The following TSPAN5 variants were observed in gnomAD, a reference collection of about 807,000 sequenced individuals.
TSPAN5 encodes tetraspanin 5, also known as tetraspanin-5.
A neutral mutation model predicts 37.1 loss-of-function variants in TSPAN5; 10 were observed. That is an observed-to-expected ratio of 0.27 (90% confidence interval 0.17 to 0.46). The LOEUF is 0.46. TSPAN5 is among the 20% of genes least tolerant of loss of function. The pLI, the probability that TSPAN5 is intolerant of heterozygous loss-of-function variation, is 1.00. For missense variants in TSPAN5, 195 were observed against 326.6 expected (o/e 0.60, Z 3.11); for synonymous variants, 110 against 118.9 (o/e 0.93, Z 0.48).
chr4:98,586,479 C>G (rs1755487843), intron 1 of TSPAN5, among the ~76,000 whole-genome samples: 1 of 152,162 alleles, frequency 6.6e-6, no homozygotes, highest in African/African-American at 2.4e-5. Context: ...ACAAATAGGT[C>G]TAGCACATTT....
chr4:98,575,116 C>T (rs534618430), intron 1 of TSPAN5, among the ~76,000 whole-genome samples: 10 of 152,194 alleles, frequency 6.6e-5, no homozygotes, highest in Admixed American at 5.9e-4. Flanking sequence ...CACCTCATGA[C>T]ACAGGGAAAG....
chr4:98,625,113 C>T lies in TSPAN5; in HGVS notation c.81+33033G>A, dbSNP rs76070597. Among the ~76,000 whole-genome samples, 1,165 of 152,164 alleles carry T rather than the reference C, an allele frequency of 7.7e-3. 16 individuals carry two copies. The highest frequency in any genetic ancestry group is 0.027 in the African/African-American group (1,108 of 41,506). ...TAATTGTTGAGTGCTTATAATACAC[C>T]AGACAATTCTGTAAGAGCCCTATGG... On this transcript the variant is annotated intron_variant, in intron 1 of 7. Coordinates refer to ENST00000305798, the MANE Select transcript of TSPAN5 (RefSeq NM_005723.4).
chr4:98,491,946 A>G lies in TSPAN5; in HGVS notation c.133-5062T>C, dbSNP rs531369462. Among the ~76,000 whole-genome samples the G allele has an allele frequency of 2.6e-5, 4 of 152,080 alleles. No individual in the cohort carries two copies. In the South Asian group the frequency reaches 8.3e-4, roughly 32 times the overall value. ...TCTAAGATTACAGTTAAGTCTGCCA[A>G]GCAATTTAAAACAGGCACCAGATTC... On this transcript the variant is annotated intron_variant, in intron 2 of 7. Coordinates refer to ENST00000305798, the MANE Select transcript of TSPAN5 (RefSeq NM_005723.4).
At chr4:98,589,418 C>T (rs1755572787) in intron 1 of TSPAN5, among the ~76,000 whole-genome samples, 1 of 152,124 alleles carries the variant, frequency 6.6e-6, no homozygotes, top group East Asian at 1.9e-4. Flanking sequence ...GGAAATACTC[C>T]CAGAGTTGTT....
At chr4:98,650,369 G>A (rs1757158604) in intron 1 of TSPAN5, among the ~76,000 whole-genome samples, 1 of 152,122 alleles carries the variant, frequency 6.6e-6, no homozygotes, top group Non-Finnish European at 1.5e-5. Flanking sequence ...ATGGGGATGG[G>A]GGTGGTGGCA....
intron 1 of TSPAN5, among the ~76,000 whole-genome samples, chr4:98,573,347 A>G (rs1325802880): frequency 6.6e-6 from 1 of 152,226 alleles, no homozygotes; most frequent in South Asian, 2.1e-4. Flanking sequence ...TATCTTATAA[A>G]CAGTTCTATC....
chr4:98,577,795 C>T (rs1755273339), intron 1 of TSPAN5, among the ~76,000 whole-genome samples: 1 of 152,156 alleles, frequency 6.6e-6, no homozygotes, highest in Non-Finnish European at 1.5e-5. Flanking sequence ...CTTTACCTCT[C>T]TAGAAATGGA....
At chr4:98,581,452 C>T (rs994873726) in intron 1 of TSPAN5, among the ~76,000 whole-genome samples, 2 of 152,152 alleles carry the variant, frequency 1.3e-5, no homozygotes, top group Non-Finnish European at 2.9e-5. Context: ...TATGCCTCAG[C>T]ACTTTCTAAA....
intron 1 of TSPAN5, among the ~76,000 whole-genome samples, chr4:98,576,643 G>C (rs1432946095): frequency 6.6e-6 from 1 of 152,156 alleles, no homozygotes; most frequent in Non-Finnish European, 1.5e-5. Flanking sequence ...TTGGGCCCAG[G>C]AAGTCCAGGC....
chr4:98,479,032 T>C (rs898194892), intron 4 of TSPAN5, among the ~76,000 whole-genome samples: 1 of 152,166 alleles, frequency 6.6e-6, no homozygotes, highest in Non-Finnish European at 1.5e-5. Context: ...TTTAAACAAC[T>C]GATGAGACCT....
rs139592772 is a variant in TSPAN5 at position 98,491,776 on chromosome 4, G to C, written c.133-4892C>G. On this transcript the variant is annotated intron_variant, in intron 2 of 7. Transcript: ENST00000305798. ...TAGGGAGTTGACTGTTCAGTCTTCTGTTGTCCTAAAGATGGGGTCTCTTTC... is the reference window on the plus strand; with the variant it reads ...TAGGGAGTTGACTGTTCAGTCTTCTCTTGTCCTAAAGATGGGGTCTCTTTC... 1.6e-3 allele frequency among the ~76,000 whole-genome samples: 245 copies of C among 151,810 alleles called. 1 individual carries two copies. The highest frequency in any genetic ancestry group is 5.7e-3 in the African/African-American group (234 of 41,396).
At chr4:98,537,292 T>G (rs1228906552) in intron 1 of TSPAN5, among the ~76,000 whole-genome samples, 1 of 152,202 alleles carries the variant, frequency 6.6e-6, no homozygotes, top group Non-Finnish European at 1.5e-5. Context: ...CGCCCCACCC[T>G]GCTTCGGCTT....
intron 1 of TSPAN5, among the ~76,000 whole-genome samples, chr4:98,594,608 G>C (rs552458802): frequency 1.6e-5 from 1 of 61,392 alleles, no homozygotes; most frequent in East Asian, 4.0e-4. Context: ...TTTGAAATAC[G>C]TCCCATCAAT....
intron 1 of TSPAN5, among the ~76,000 whole-genome samples, chr4:98,523,754 T>C (rs1753904805): frequency 6.6e-6 from 1 of 152,184 alleles, no homozygotes; most frequent in African/African-American, 2.4e-5. Context: ...CTTTAAAAAT[T>C]AAGAGGACTG....
At chr4:98,520,732 T>C (rs1255525716) in intron 1 of TSPAN5, among the ~76,000 whole-genome samples, 3 of 152,220 alleles carry the variant, frequency 2.0e-5, no homozygotes, top group Non-Finnish European at 4.4e-5. Flanking sequence ...GTTGCATAGA[T>C]ACAGGATAAA....
rs1753232159 is a variant in TSPAN5 at position 98,497,259 on chromosome 4, G to A, written c.133-10375C>T. ...TTGAATCCAGGAGGCGGAGGTTGCA[G>A]TGAGCCGAGATCGTGCCACTGCACT... On this transcript the variant is annotated intron_variant, in intron 2 of 7. Coordinates refer to ENST00000305798, the MANE Select transcript of TSPAN5 (RefSeq NM_005723.4). 2.0e-5 allele frequency among the ~76,000 whole-genome samples: 3 copies of A among 150,028 alleles called. No individual in the cohort carries two copies. The South Asian group carries it at 6.3e-4, about 32-fold the overall frequency.
At chr4:98,523,366 T>A (rs1349503933) in intron 1 of TSPAN5, among the ~76,000 whole-genome samples, 2 of 152,236 alleles carry the variant, frequency 1.3e-5, no homozygotes, top group Non-Finnish European at 1.5e-5. Context: ...AAGCATGTGC[T>A]AGAGATCAGC....
chr4:98,526,298 C>T (rs1201448321), intron 1 of TSPAN5, among the ~76,000 whole-genome samples: 2 of 152,136 alleles, frequency 1.3e-5, no homozygotes, highest in Non-Finnish European at 2.9e-5. Flanking sequence ...TTCACATACA[C>T]AAGAAATCCA....
chr4:98,619,910 G>T (rs183383138), intron 1 of TSPAN5, among the ~76,000 whole-genome samples: 1 of 152,122 alleles, frequency 6.6e-6, no homozygotes, highest in African/African-American at 2.4e-5. Context: ...CAGTTATAAG[G>T]GCACTAATCC....
Sources: allele counts gnomAD v4.1 joint callset (sites outside exome capture counted in the v4.1 genomes callset), GRCh38; gene constraint gnomAD v4.1.1; transcripts MANE v1.5; gene names NCBI Gene and HGNC (gene_info 2026-07-23, HGNC 2026-07-21).